The following SYT14 variants were observed in gnomAD, a reference collection of about 807,000 sequenced individuals.
SYT14 encodes synaptotagmin 14, also known as synaptotagmin-14.
SYT14 carries 32 observed loss-of-function variants against 74.2 expected under a neutral mutation model. That is an observed-to-expected ratio of 0.43 (90% CI 0.33 to 0.58). The LOEUF (loss-of-function observed/expected upper bound fraction) is 0.58, where lower values mean the gene tolerates loss of function less well. SYT14 is among the 20% of genes least tolerant of loss of function. The probability of loss-of-function intolerance (pLI) is 0.05; values close to 1 mark genes in which losing one functional copy is unlikely to be tolerated. For synonymous variants in SYT14, 298 were observed against 337.7 expected (o/e 0.88, Z 1.29); for missense variants, 791 against 981.8 (o/e 0.81, Z 2.60).
At chr1:210,023,145 T>A (rs141550257) in intron 5 of SYT14, among the ~76,000 whole-genome samples, 6 of 152,308 alleles carry the variant, frequency 3.9e-5, no homozygotes, top group Non-Finnish European at 7.3e-5. Flanking sequence ...TATTTATTTA[T>A]TTTGTAAACA....
At chr1:209,951,458 C>A (rs2078910674) in intron 1 of SYT14, among the ~76,000 whole-genome samples, 2 of 152,152 alleles carry the variant, frequency 1.3e-5, no homozygotes, top group Non-Finnish European at 2.9e-5. Flanking sequence ...TTGCACATGA[C>A]AGAATTTCCT....
At chr1:209,959,091 T>TA (rs1346234986) in intron 2 of SYT14, among the ~76,000 whole-genome samples, 13 of 152,320 alleles carry the variant, frequency 8.5e-5, no homozygotes, top group Admixed American at 1.3e-4. Flanking sequence ...CATATGTTTA[T>TA]ACAAAAATTT....
chr1:209,981,450 C>CTTTT lies in SYT14; in HGVS notation c.-486+28710_-486+28713dup, dbSNP rs1183885685. ...TTCTTTTTCTTTTTCTTTTTCTTTT[C>CTTTT]TTTTTTTTTTTTTTTTTTTGAGGCA... is the stretch of plus-strand genomic sequence containing the variant. On this transcript the variant is annotated intron_variant, in intron 2 of 9. Transcript: ENST00000637265. Among the ~76,000 whole-genome samples the CTTTT allele has an allele frequency of 5.5e-4, 54 of 99,064 alleles. 1 individual carries two copies. The highest frequency in any genetic ancestry group is 1.5e-3 in the South Asian group (4 of 2,744). 65.0% of individuals were successfully genotyped at this position (99,064 alleles called of 152,430 possible).
intron 7 of SYT14, among the ~76,000 whole-genome samples, chr1:210,106,711 G>A (rs1473488351): frequency 2.6e-5 from 4 of 152,066 alleles, no homozygotes; most frequent in African/African-American, 9.7e-5. Context: ...CCATGGAGGC[G>A]GGATTATGGG....
chr1:209,947,762 C>T (rs1325163607), intron 1 of SYT14, among the ~76,000 whole-genome samples: 1 of 152,170 alleles, frequency 6.6e-6, no homozygotes, highest in Non-Finnish European at 1.5e-5. Flanking sequence ...AAAATGCTAT[C>T]AAACAGCATT....
chr1:210,100,565 T>G, intron 7 of SYT14, 104 bp downstream of exon 6: 1 of 1,144,456 alleles, frequency 8.7e-7, no homozygotes, highest in Non-Finnish European at 1.3e-6. Context: ...TCAGTCTATT[T>G]TTTTACATAG....
chr1:210,125,092 T>A (rs1558206141), intron 7 of SYT14, among the ~76,000 whole-genome samples: 1 of 151,020 alleles, frequency 6.6e-6, no homozygotes, highest in Non-Finnish European at 1.5e-5. Flanking sequence ...ATTCAGGGGG[T>A]AGGTGTCCAT....
intron 2 of SYT14, among the ~76,000 whole-genome samples, chr1:209,991,175 G>T (rs1361746409): frequency 6.6e-6 from 1 of 152,134 alleles, no homozygotes; most frequent in South Asian, 2.1e-4. Flanking sequence ...GCTGCAAAAA[G>T]TGTAGAAGAA....
chr1:210,105,434 G>A (rs1339365678), intron 7 of SYT14, among the ~76,000 whole-genome samples: 1 of 152,138 alleles, frequency 6.6e-6, no homozygotes, highest in Non-Finnish European at 1.5e-5. Context: ...GTGGAAATGG[G>A]GCCTCTTTGA....
chr1:209,948,688 A>AT (rs529976786), intron 1 of SYT14, among the ~76,000 whole-genome samples: 14 of 151,436 alleles, frequency 9.2e-5, no homozygotes, highest in South Asian at 6.3e-4. Flanking sequence ...ATAATGTTCT[A>AT]TTTTTTTTTC....
At position 210,100,365 on chromosome 1, in the gene SYT14, A is replaced by G. The variant is rs376509952; in HGVS notation, c.1938A>G (p.Glu646=). ...ATGGTGTACATCGCATGAAAAAAGA[A>G]AAGATTGTGGGGGAAAAGATTTTTT... is the stretch of plus-strand genomic sequence containing the variant. The change falls in exon 7 of 10, where the codon GAA becomes GAG. Residue 646 remains glutamate, a synonymous_variant. Transcript: ENST00000637265. 7.2e-4 allele frequency: 1,169 copies of G among 1,613,954 alleles called. No individual in the cohort carries two copies. Among genetic ancestry groups the G allele is most frequent in the Non-Finnish European group, 9.0e-4 (1,066 of 1,179,984 alleles).
intron 1 of SYT14, among the ~76,000 whole-genome samples, chr1:209,938,800 A>G (rs1052958507): frequency 6.6e-6 from 1 of 151,490 alleles, no homozygotes; most frequent in Non-Finnish European, 1.5e-5. Flanking sequence ...GCTGGGTTAC[A>G]CTCTCTGCCC....
intron 5 of SYT14, among the ~76,000 whole-genome samples, chr1:210,092,039 G>A (rs227199): frequency 4.6e-5 from 7 of 152,236 alleles, no homozygotes; most frequent in Middle Eastern, 3.4e-3. Context: ...AGGTATTACC[G>A]TTTAATTCAG....
intron 2 of SYT14, among the ~76,000 whole-genome samples, chr1:209,959,940 G>A (rs916631621): frequency 2.6e-5 from 4 of 152,000 alleles, no homozygotes; most frequent in East Asian, 1.9e-4. Flanking sequence ...TAAAAAAAGC[G>A]TCTGCTTACA....
At chr1:210,102,146 A>T (rs923353037) in intron 7 of SYT14, among the ~76,000 whole-genome samples, 1 of 152,084 alleles carries the variant, frequency 6.6e-6, no homozygotes. Context: ...CAGGTTTGTT[A>T]TATAGGTAAA....
At position 210,142,840 on chromosome 1, in the gene SYT14, T is replaced by C. The variant is rs550073305; in HGVS notation, c.2035-12881T>C. On this transcript the variant is annotated intron_variant, in intron 7 of 9. Transcript: ENST00000637265. ...AAGAAGCATCAGAATGGGGAAAAGA[T>C]AACTAAGATGAAATTGCATTATGGA... Among the ~76,000 whole-genome samples the C allele has an allele frequency of 2.6e-5, 4 of 152,280 alleles. No homozygotes were observed. In the South Asian group the frequency reaches 8.3e-4, roughly 32 times the overall value.
At chr1:210,160,512 T>G (rs1401501593) in intron 9 of SYT14, among the ~76,000 whole-genome samples, 1 of 152,134 alleles carries the variant, frequency 6.6e-6, no homozygotes, top group African/African-American at 2.4e-5. Flanking sequence ...GGTTAAGATA[T>G]TATTACTACC....
In SYT14 at chr1:209,951,627, A is replaced by G. The variant is rs185568103; in HGVS notation, c.-533-1082A>G. ...CATTTAGAAGAAAGGCACGCACAGC[A>G]CACATGTGGGAAACAGAGACATATG... On this transcript the variant is annotated intron_variant, in intron 1 of 9. Transcript: ENST00000637265. 3.6e-3 allele frequency among the ~76,000 whole-genome samples: 556 copies of G among 152,332 alleles called. 5 individuals carry two copies. Among genetic ancestry groups the G allele is most frequent in the African/African-American group, 0.013 (540 of 41,570 alleles).
chr1:210,018,775 C>T (rs545157147), intron 4 of SYT14, among the ~76,000 whole-genome samples: 1 of 152,234 alleles, frequency 6.6e-6, no homozygotes, highest in South Asian at 2.1e-4. Context: ...ATTAACCCTT[C>T]ATTTAGCTGA....
Sources: gnomAD v4.1 joint callset for allele counts (sites outside exome capture counted in the v4.1 genomes callset) on GRCh38, gnomAD v4.1.1 for gene constraint, MANE v1.5 for transcripts, NCBI Gene and HGNC (gene_info 2026-07-23, HGNC 2026-07-21) for gene names.